CMIP: variants seen among roughly 807,000 people sequenced by gnomAD.
CMIP encodes C-Maf-inducing protein.
In CMIP, 13 loss-of-function variants were observed where a neutral mutation model predicts 97.3. The observed-to-expected ratio is 0.13, with a 90% confidence interval of 0.09 to 0.21. The LOEUF (loss-of-function observed/expected upper bound fraction) is 0.21. Among genes scored for constraint, CMIP ranks in the 10% least tolerant of loss-of-function variants. CMIP has a pLI of 1.00. For synonymous variants in CMIP, 538 were observed against 436.3 expected, an observed-to-expected ratio of 1.23 and a Z score of -2.91; for missense variants, 847 against 1,024.9, an observed-to-expected ratio of 0.83 and a Z score of 2.37.
intron 1 of CMIP, among the ~76,000 whole-genome samples, chr16:81,469,989 C>T (rs893210204): frequency 1.3e-5 from 2 of 152,178 alleles, no homozygotes; most frequent in African/African-American, 4.8e-5. Context: ...CAGTGATCTC[C>T]TGCATTTCCT....
intron 6 of CMIP, 78 bp downstream of exon 6, chr16:81,661,024 CA>C: frequency 2.5e-6 from 4 of 1,574,168 alleles, no homozygotes; most frequent in Non-Finnish European, 3.5e-6. Context: ...TGGGTTTGCA[CA>C]GAAAGGCCAA....
chr16:81,570,507 G>A (rs553862181), intron 1 of CMIP, among the ~76,000 whole-genome samples: 25 of 152,236 alleles, frequency 1.6e-4, no homozygotes, highest in African/African-American at 5.8e-4. Context: ...CCTGGCAGGT[G>A]GTGGGACCGC....
intron 2 of CMIP, 166 bp from the exon 3 acceptor site, chr16:81,620,710 T>G: frequency 1.4e-6 from 1 of 738,952 alleles, no homozygotes; most frequent in African/African-American, 1.8e-5. Context: ...GTTTTGGTTT[T>G]GCACACAACA....
chr16:81,686,687 T>C (rs1905428348), intron 10 of CMIP, among the ~76,000 whole-genome samples: 1 of 152,128 alleles, frequency 6.6e-6, no homozygotes, highest in Non-Finnish European at 1.5e-5. Flanking sequence ...CACTCTATCG[T>C]GGGCTTATTT....
intron 1 of CMIP, among the ~76,000 whole-genome samples, chr16:81,572,160 A>C (rs945100087): frequency 6.6e-6 from 1 of 152,178 alleles, no homozygotes; most frequent in Non-Finnish European, 1.5e-5. Context: ...AGAGACCTTC[A>C]GCTCCGCGTC....
chr16:81,651,392 A>G (rs375794965), intron 3 of CMIP: 29 of 979,710 alleles, frequency 3.0e-5, no homozygotes, highest in African/African-American at 2.8e-4. Flanking sequence ...CCCTGTCCCA[A>G]CCGCTCTCTG....
At chr16:81,641,589 C>T (rs1284111492) in intron 3 of CMIP, among the ~76,000 whole-genome samples, 2 of 152,210 alleles carry the variant, frequency 1.3e-5, no homozygotes, top group African/African-American at 2.4e-5. Flanking sequence ...CCAGCCGATG[C>T]CGCAGAGACA....
intron 1 of CMIP, among the ~76,000 whole-genome samples, chr16:81,509,128 A>G (rs1372187541): frequency 6.6e-6 from 1 of 152,260 alleles, no homozygotes; most frequent in African/African-American, 2.4e-5. Flanking sequence ...CTCATGAAGA[A>G]CAGATTCATT....
chr16:81,499,806 T>A (rs901899904), intron 1 of CMIP, among the ~76,000 whole-genome samples: 4 of 152,246 alleles, frequency 2.6e-5, no homozygotes, highest in Non-Finnish European at 4.4e-5. Flanking sequence ...GCAGCTCCGG[T>A]CCTGCCCAGC....
chr16:81,545,784 G>C (rs762748850), intron 1 of CMIP, among the ~76,000 whole-genome samples: 12 of 152,234 alleles, frequency 7.9e-5, no homozygotes, highest in Non-Finnish European at 4.4e-5. Flanking sequence ...AAGCCTTCCT[G>C]CCGGCCCTCC....
At chr16:81,497,425 A>C (rs2089511206) in intron 1 of CMIP, among the ~76,000 whole-genome samples, 1 of 152,212 alleles carries the variant, frequency 6.6e-6, no homozygotes, top group African/African-American at 2.4e-5. Flanking sequence ...GGAGCTCATA[A>C]TAAGTAGGGG....
chr16:81,587,962 G>A (rs995352236), intron 1 of CMIP, among the ~76,000 whole-genome samples: 1 of 152,204 alleles, frequency 6.6e-6, no homozygotes. Flanking sequence ...CCAGGCCAGC[G>A]CTGAGGCAGG....
chr16:81,681,708 C>A (rs1444075274), intron 10 of CMIP, among the ~76,000 whole-genome samples: 2 of 152,250 alleles, frequency 1.3e-5, no homozygotes, highest in Non-Finnish European at 2.9e-5. Context: ...TATTGCACAC[C>A]TGGATTGCAG....
rs1463309896 is a variant in CMIP at position 81,621,704 on chromosome 16, T to C, written c.477+778T>C. The C allele has an allele frequency of 2.0e-5, 3 of 152,820 alleles. No individual in the cohort carries two copies. The East Asian group carries it at 5.8e-4, about 30-fold the overall frequency. 9.5% of individuals were successfully genotyped at this position (152,820 alleles called of 1,614,324 possible). ...ATGACCAGTGTGTCATAAGCTGTCA[T>C]CCTTACAGTAAGCTGGGGAGCCACA... On this transcript the variant is annotated intron_variant, in intron 3 of 20. Coordinates refer to ENST00000537098, the MANE Select transcript of CMIP (RefSeq NM_198390.3). This position sits in a 1 kb window ranked among gnomAD's most constrained non-coding sequence, Gnocchi z 4.1.
intron 1 of CMIP, among the ~76,000 whole-genome samples, chr16:81,523,777 G>A (rs996668310): frequency 6.6e-6 from 1 of 152,238 alleles, no homozygotes; most frequent in Non-Finnish European, 1.5e-5. Context: ...CAGGAAGAAG[G>A]TGAGCTGAGT....
chr16:81,685,199 C>T (rs182439610), intron 10 of CMIP, among the ~76,000 whole-genome samples: 3 of 152,226 alleles, frequency 2.0e-5, no homozygotes, highest in African/African-American at 7.2e-5. Context: ...AGGAAGTCCA[C>T]TTGCCCTCTC....
At chr16:81,514,984 C>G (rs2089885321) in intron 1 of CMIP, among the ~76,000 whole-genome samples, 1 of 152,212 alleles carries the variant, frequency 6.6e-6, no homozygotes, top group African/African-American at 2.4e-5. Context: ...TGTTCGAGGG[C>G]CTGCTGTGTG....
intron 1 of CMIP, among the ~76,000 whole-genome samples, chr16:81,508,189 T>C (rs1488156935): frequency 1.3e-5 from 2 of 152,258 alleles, no homozygotes; most frequent in African/African-American, 4.8e-5. Flanking sequence ...GACTTTCATA[T>C]GATGCACAGC....
intron 1 of CMIP, among the ~76,000 whole-genome samples, chr16:81,466,484 T>C (rs1423966506): frequency 2.0e-4 from 30 of 152,214 alleles, no homozygotes; most frequent in Admixed American, 2.0e-3. Flanking sequence ...TTGGCAATGG[T>C]TTTGAGCTTG....
Sources: gnomAD v4.1 joint callset for allele counts (sites outside exome capture counted in the v4.1 genomes callset) on GRCh38, gnomAD v4.1.1 for gene constraint, Gnocchi (gnomAD v3.1) non-coding constraint, MANE v1.5 for transcripts, NCBI Gene and HGNC (gene_info 2026-07-23, HGNC 2026-07-21) for gene names.